The following STAG1 variants were observed in gnomAD, a reference collection of about 807,000 sequenced individuals.
The protein encoded by STAG1 is STAG1 cohesin complex component, also known as cohesin subunit SA-1.
STAG1 carries 26 observed loss-of-function variants against 170.9 expected under a neutral mutation model. The ratio of observed to expected loss-of-function variants is 0.15; its 90% CI spans 0.11 to 0.21. STAG1 has a LOEUF of 0.21. STAG1 is among the 10% of genes least tolerant of loss of function. The pLI is 1.00. For missense variants in STAG1, 964 were observed against 1,509.5 expected, an observed-to-expected ratio of 0.64 and a Z score of 5.99; for synonymous variants, 514 against 497.7, an observed-to-expected ratio of 1.03 and a Z score of -0.44.
intron 5 of STAG1, among the ~76,000 whole-genome samples, chr3:136,546,288 A>T (rs960477359): frequency 6.6e-6 from 1 of 152,232 alleles, no homozygotes; most frequent in Admixed American, 6.5e-5. Flanking sequence ...TACGACTATT[A>T]ATAGGATTCA....
intron 28 of STAG1, among the ~76,000 whole-genome samples, chr3:136,349,908 A>C (rs1936371293): frequency 6.6e-6 from 1 of 152,218 alleles, no homozygotes; most frequent in African/African-American, 2.4e-5. Context: ...AAATCCCAGC[A>C]CTTTGGGAGG....
chr3:136,630,065 C>T (rs1451544673), intron 2 of STAG1, among the ~76,000 whole-genome samples: 5 of 151,954 alleles, frequency 3.3e-5, no homozygotes, highest in East Asian at 3.9e-4. Flanking sequence ...CATGGTGGCA[C>T]GTGCCTATAA....
In STAG1 at chr3:136,452,063, C is replaced by T. The variant is rs1213445959; in HGVS notation, c.1398G>A (p.Arg466=). The T allele has an allele frequency of 1.9e-6, 3 of 1,612,668 alleles. No individual in the cohort carries two copies. The highest frequency in any genetic ancestry group is 1.3e-5 in the African/African-American group (1 of 74,790). The change falls in exon 14 of 34, where the codon AGG becomes AGA. Residue 466 remains arginine, a synonymous_variant. Coordinates refer to ENST00000383202, the MANE Select transcript of STAG1 (RefSeq NM_005862.3). ...TTTCAAGAAAGAAAAGAACCAGCAT[C>T]CTAATGAGGTTTCCATTCGGGCTGT... ...GRNSPNGNLI[R]MLVLFFLESE...
At chr3:136,449,467 T>G (rs1352322836) in intron 14 of STAG1, among the ~76,000 whole-genome samples, 3 of 150,866 alleles carry the variant, frequency 2.0e-5, no homozygotes, top group Non-Finnish European at 3.0e-5. Context: ...GGATAAAGTA[T>G]GAGAATTGCT....
At chr3:136,344,034 A>T (rs182131103) in intron 29 of STAG1, 28 bp from the exon 30 acceptor site, 2 of 1,529,306 alleles carry the variant, frequency 1.3e-6, no homozygotes, top group South Asian at 2.6e-5. Flanking sequence ...AGGTCACACA[A>T]TGTCGTGGGT....
intron 4 of STAG1, among the ~76,000 whole-genome samples, chr3:136,602,359 C>G (rs549589768): frequency 7.7e-6 from 1 of 130,266 alleles, no homozygotes; most frequent in African/African-American, 2.9e-5. Flanking sequence ...AGCCTGGCGA[C>G]AGAGAGACAC....
intron 1 of STAG1, among the ~76,000 whole-genome samples, chr3:136,661,408 T>C (rs1254715499): frequency 2.6e-5 from 4 of 152,158 alleles, no homozygotes; most frequent in East Asian, 1.9e-4. Flanking sequence ...TAAGCGGAAA[T>C]GTCTACACCT....
intron 4 of STAG1, among the ~76,000 whole-genome samples, chr3:136,599,622 T>C (rs1938581033): frequency 6.6e-6 from 1 of 152,206 alleles, no homozygotes. Flanking sequence ...CTTCAATCCA[T>C]ACCAAAGTCT....
intron 9 of STAG1, among the ~76,000 whole-genome samples, chr3:136,487,038 C>T (rs576693793): frequency 1.7e-5 from 2 of 117,134 alleles, no homozygotes; most frequent in South Asian, 3.0e-4. Flanking sequence ...AAAGCAGATA[C>T]AAGCACAGAA....
At chr3:136,396,384 A>AT (rs1445195022) in intron 22 of STAG1, among the ~76,000 whole-genome samples, 4 of 141,730 alleles carry the variant, frequency 2.8e-5, no homozygotes, top group East Asian at 2.1e-4. Flanking sequence ...CGCCCGGCTA[A>AT]TTTTTTTGTA....
At chr3:136,433,967 A>C (rs536650479) in intron 15 of STAG1, among the ~76,000 whole-genome samples, 1 of 152,186 alleles carries the variant, frequency 6.6e-6, no homozygotes, top group African/African-American at 2.4e-5. Context: ...CAAAACTCCT[A>C]ATTTTTCTTT....
chr3:136,602,640 C>T (rs1323757206), intron 4 of STAG1, among the ~76,000 whole-genome samples: 1 of 151,980 alleles, frequency 6.6e-6, no homozygotes, highest in Non-Finnish European at 1.5e-5. Context: ...CACTTGAGGT[C>T]AGGAGTTTCA....
At chr3:136,520,752 T>A (rs1934630041) in intron 7 of STAG1, among the ~76,000 whole-genome samples, 1 of 152,116 alleles carries the variant, frequency 6.6e-6, no homozygotes, top group Non-Finnish European at 1.5e-5. Context: ...ATTATAGCAC[T>A]AGGAATAGGA....
In STAG1 at chr3:136,481,965, CTCT is replaced by C. The variant is rs1282062448; in HGVS notation, c.903-4556_903-4554del. On this transcript the variant is annotated intron_variant, in intron 9 of 33. Transcript: ENST00000383202. ...TTTTTATTGCGTCTATTTGATTCTT[CTCT>C]TTTTTCTTTATTACTCTTGCTAGCG... Among the ~76,000 whole-genome samples, 4 of 56,874 alleles carry C rather than the reference CTCT, an allele frequency of 7.0e-5. 2 individuals are homozygous for C. Among genetic ancestry groups the C allele is most frequent in the Non-Finnish European group, 1.5e-4 (4 of 26,224 alleles). 37.3% of individuals were successfully genotyped at this position (56,874 alleles called of 152,430 possible). A position where few individuals can be genotyped will look rare whatever the true frequency, so the allele number is the denominator to read the frequency against.
At chr3:136,642,511 C>T (rs1317023560) in intron 1 of STAG1, among the ~76,000 whole-genome samples, 2 of 151,948 alleles carry the variant, frequency 1.3e-5, no homozygotes, top group Non-Finnish European at 2.9e-5. Flanking sequence ...AGTGATCCAC[C>T]CGCCTCGGCC....
intron 1 of STAG1, among the ~76,000 whole-genome samples, chr3:136,649,755 CAA>C (rs754333040): frequency 2.3e-5 from 3 of 131,020 alleles, no homozygotes; most frequent in Admixed American, 7.7e-5. Flanking sequence ...GTTTCCGTAG[CAA>C]AAAAAAAAAA....
chr3:136,339,453 G>A (rs930496797), intron 32 of STAG1, among the ~76,000 whole-genome samples: 1 of 152,116 alleles, frequency 6.6e-6, no homozygotes, highest in Non-Finnish European at 1.5e-5. Flanking sequence ...AACCTGGGAG[G>A]CAGAGGTTGC....
At chr3:136,462,992 C>T (rs989215074) in intron 13 of STAG1, among the ~76,000 whole-genome samples, 1 of 152,018 alleles carries the variant, frequency 6.6e-6, no homozygotes, top group Non-Finnish European at 1.5e-5. Flanking sequence ...TTTCTAAAAA[C>T]ACGAAGTTCT....
intron 5 of STAG1, among the ~76,000 whole-genome samples, chr3:136,557,916 C>T (rs1426400360): frequency 6.6e-6 from 1 of 152,100 alleles, no homozygotes. Flanking sequence ...AAATTTAAAA[C>T]TCATGTTCAT....
Sources: allele counts gnomAD v4.1 joint callset (sites outside exome capture counted in the v4.1 genomes callset), GRCh38; gene constraint gnomAD v4.1.1; transcripts MANE v1.5; gene names NCBI Gene and HGNC (gene_info 2026-07-23, HGNC 2026-07-21).